Variants in ATRNL1 observed in about 807,000 individuals in gnomAD.
ATRNL1 encodes the protein attractin-like protein 1.
A neutral mutation model predicts 182.7 loss-of-function variants in ATRNL1; 95 were observed. The observed-to-expected ratio is 0.52, with a 90% CI of 0.44 to 0.62. ATRNL1 has a LOEUF of 0.62. ATRNL1 is among the 20% of genes least tolerant of loss of function. The pLI is 0.00. For missense variants in ATRNL1, 1,471 were observed against 1,679.5 expected (o/e 0.88, Z 2.17); for synonymous variants, 576 against 568.3 (o/e 1.01, Z -0.19).
At chr10:115,485,974 T>G (rs1592724251) in intron 24 of ATRNL1, among the ~76,000 whole-genome samples, 1 of 137,768 alleles carries the variant, frequency 7.3e-6, no homozygotes, top group African/African-American at 2.7e-5. Context: ...CAACTCCCAC[T>G]TATGAGTGAG....
chr10:115,675,779 TA>T (rs1945841974), intron 26 of ATRNL1, among the ~76,000 whole-genome samples: 2 of 152,126 alleles, frequency 1.3e-5, no homozygotes, highest in South Asian at 4.2e-4. Flanking sequence ...GATAGTCTTT[TA>T]CATACTTTAC....
intron 27 of ATRNL1, among the ~76,000 whole-genome samples, chr10:115,749,438 A>G (rs554972221): frequency 2.6e-5 from 4 of 151,886 alleles, no homozygotes; most frequent in Admixed American, 6.6e-5. Flanking sequence ...ATAGAAATTT[A>G]TACATAGTTT....
intron 26 of ATRNL1, among the ~76,000 whole-genome samples, chr10:115,588,044 G>A (rs1855672295): frequency 6.6e-6 from 1 of 151,924 alleles, no homozygotes; most frequent in African/African-American, 2.4e-5. Context: ...GGTTACACAG[G>A]GATTATCAGA....
intron 24 of ATRNL1, among the ~76,000 whole-genome samples, chr10:115,482,561 T>C (rs1209549784): frequency 6.6e-6 from 1 of 151,042 alleles, no homozygotes; most frequent in Non-Finnish European, 1.5e-5. Context: ...TAATAATTTT[T>C]AATTAATTAT....
chr10:115,861,601 A>G (rs1262359348), intron 28 of ATRNL1, among the ~76,000 whole-genome samples: 1 of 152,212 alleles, frequency 6.6e-6, no homozygotes. Context: ...GTTCCTTACT[A>G]CTAACTAGGC....
intron 27 of ATRNL1, among the ~76,000 whole-genome samples, chr10:115,828,177 C>T (rs568892829): frequency 6.6e-6 from 1 of 152,174 alleles, no homozygotes; most frequent in East Asian, 1.9e-4. Flanking sequence ...ATTAGCCAGG[C>T]GTGGTGGCGC....
chr10:115,884,572 C>T (rs1555109345), intron 28 of ATRNL1, among the ~76,000 whole-genome samples: 1 of 152,180 alleles, frequency 6.6e-6, no homozygotes, highest in African/African-American at 2.4e-5. Flanking sequence ...ATCTGTTGGG[C>T]TTCTGCTTTT....
intron 27 of ATRNL1, among the ~76,000 whole-genome samples, chr10:115,823,805 A>G (rs1410232205): frequency 6.6e-6 from 1 of 152,230 alleles, no homozygotes; most frequent in Non-Finnish European, 1.5e-5. Context: ...AAAACATTCC[A>G]TGCTCATGGA....
chr10:115,801,231 G>A (rs1355642188), intron 27 of ATRNL1, among the ~76,000 whole-genome samples: 2 of 152,110 alleles, frequency 1.3e-5, no homozygotes, highest in Non-Finnish European at 2.9e-5. Flanking sequence ...TGTCTCGTCT[G>A]ACTTTAAATG....
chr10:115,788,971 C>T (rs1277576248), intron 27 of ATRNL1, among the ~76,000 whole-genome samples: 3 of 152,146 alleles, frequency 2.0e-5, no homozygotes, highest in Admixed American at 2.0e-4. Flanking sequence ...AATCCATTCT[C>T]GAGTGGCGAT....
intron 26 of ATRNL1, among the ~76,000 whole-genome samples, chr10:115,606,548 C>T (rs188379110): frequency 1.3e-5 from 2 of 152,100 alleles, no homozygotes; most frequent in Admixed American, 1.3e-4. Context: ...AAAGAAAACT[C>T]TTAGAATACA....
At chr10:115,098,079 T>C (rs1554863602) in intron 1 of ATRNL1, among the ~76,000 whole-genome samples, 4 of 152,214 alleles carry the variant, frequency 2.6e-5, no homozygotes, top group African/African-American at 9.7e-5. Context: ...CTTCTTTATT[T>C]CAAAGTTTTA....
chr10:115,377,191 AT>A (rs1554949772), intron 19 of ATRNL1, among the ~76,000 whole-genome samples: 4 of 152,058 alleles, frequency 2.6e-5, no homozygotes, highest in Non-Finnish European at 4.4e-5. Flanking sequence ...AGCTCCCATA[AT>A]TTCTCATGTT....
chr10:115,392,909 C>CAAGAAAATATTTCCT (rs1554954673), intron 19 of ATRNL1, among the ~76,000 whole-genome samples: 29 of 152,162 alleles, frequency 1.9e-4, no homozygotes. Context: ...AGTGTTAGTA[C>CAAGAAAATATTTCCT]AAATATTTCC....
chr10:115,584,391 G>A (rs1855359665), intron 26 of ATRNL1, among the ~76,000 whole-genome samples: 1 of 135,468 alleles, frequency 7.4e-6, no homozygotes, highest in Non-Finnish European at 1.6e-5. Flanking sequence ...GACTCTTTTT[G>A]GTTGGTAAGC....
chr10:115,449,758 T>C (rs539638548), intron 21 of ATRNL1, among the ~76,000 whole-genome samples: 9 of 152,282 alleles, frequency 5.9e-5, no homozygotes, highest in African/African-American at 2.2e-4. Context: ...GCACCCCTTT[T>C]GTGAGACCCA....
At chr10:115,926,146 T>C (rs1953224439) in intron 28 of ATRNL1, among the ~76,000 whole-genome samples, 1 of 152,168 alleles carries the variant, frequency 6.6e-6, no homozygotes, top group South Asian at 2.1e-4. Context: ...AACAACCTGC[T>C]CCTGAATGAC....
rs1011936655 is a variant in ATRNL1 at position 115,296,355 on chromosome 10, T to A, written c.2416-3679T>A. ...AGTCAAAGCATAGCTCTTTATTCAT[T>A]GTCTCAATCCTCTCTTGTGGTAGGG... On this transcript the variant is annotated intron_variant, in intron 15 of 28. Transcript: ENST00000355044. Among the ~76,000 whole-genome samples, 11 of 152,318 alleles carry A rather than the reference T, an allele frequency of 7.2e-5. 2 individuals are homozygous for A. Among genetic ancestry groups the A allele is most frequent in the Admixed American group, 7.2e-4 (11 of 15,310 alleles).
rs1213476911 is a variant in ATRNL1, at chr10:115,223,938, T to A, written c.1532+8058T>A. Reference sequence around the variant, plus strand: ...GTATATATATATATATATTTTTTTTTTTTTTTTTTTTCTTTGAGACAGACT... The same window carrying A: ...GTATATATATATATATATTTTTTTTATTTTTTTTTTTCTTTGAGACAGACT... On this transcript the variant is annotated intron_variant, in intron 9 of 28. Coordinates refer to ENST00000355044, the MANE Select transcript of ATRNL1 (RefSeq NM_207303.4). 4.3e-3 allele frequency among the ~76,000 whole-genome samples: 515 copies of A among 119,290 alleles called. 19 individuals carry two copies. The highest frequency in any genetic ancestry group is 0.016 in the African/African-American group (492 of 31,184). 78.3% of individuals were successfully genotyped at this position (119,290 alleles called of 152,430 possible).
Sources: allele counts gnomAD v4.1 joint callset (sites outside exome capture counted in the v4.1 genomes callset), GRCh38; gene constraint gnomAD v4.1.1; transcripts MANE v1.5; gene names NCBI Gene and HGNC (gene_info 2026-07-23, HGNC 2026-07-21).